The following DNAJC5B variants were observed in gnomAD, a reference collection of about 807,000 sequenced individuals.
DNAJC5B encodes DnaJ heat shock protein family (Hsp40) member C5 beta.
DNAJC5B carries 23 observed loss-of-function variants against 24.7 expected under a neutral mutation model. That is an observed-to-expected ratio of 0.93 (90% CI 0.67 to 1.32). The LOEUF (loss-of-function observed/expected upper bound fraction) is 1.32, where lower values mean the gene tolerates loss of function less well. Among genes scored for constraint, DNAJC5B ranks in the 40% most tolerant of loss-of-function variants. The probability of loss-of-function intolerance (pLI) is 0.00; values close to 1 mark genes in which losing one functional copy is unlikely to be tolerated. For missense variants in DNAJC5B, 238 were observed against 240.8 expected (o/e 0.99, Z 0.08); for synonymous variants, 101 against 90.1 (o/e 1.12, Z -0.68).
Position 66,098,042 on chromosome 8 carries a change from C to T in DNAJC5B, c.506-1895C>T, listed in dbSNP as rs182460406. Among the ~76,000 whole-genome samples the T allele has an allele frequency of 3.1e-3, 479 of 152,122 alleles. 2 individuals carry two copies. Among genetic ancestry groups the T allele is most frequent in the Middle Eastern group, 0.01 (3 of 294 alleles). ...TCTTTTTCTGTACTTTTAGTAGAGACGGGGTTTCACCACATTGGCCAGGCT... is the reference window on the plus strand; with the variant it reads ...TCTTTTTCTGTACTTTTAGTAGAGATGGGGTTTCACCACATTGGCCAGGCT... On this transcript the variant is annotated intron_variant, in intron 5 of 5. Transcript: ENST00000276570.
At chr8:66,079,587 A>C (rs1807546097) in intron 4 of DNAJC5B, among the ~76,000 whole-genome samples, 1 of 152,200 alleles carries the variant, frequency 6.6e-6, no homozygotes, top group African/African-American at 2.4e-5. Flanking sequence ...GTTATAAGGC[A>C]ATGAAAGGCA....
chr8:66,082,512 G>A (rs1007491188), intron 5 of DNAJC5B, among the ~76,000 whole-genome samples: 1 of 152,060 alleles, frequency 6.6e-6, no homozygotes, highest in Admixed American at 6.5e-5. Flanking sequence ...CTCCCTGCTG[G>A]GTGATTGGTG....
intron 3 of DNAJC5B, among the ~76,000 whole-genome samples, chr8:66,062,658 G>A (rs1184664205): frequency 1.3e-5 from 2 of 152,158 alleles, no homozygotes; most frequent in African/African-American, 4.8e-5. Context: ...TGGCTTTTTA[G>A]AGAGCCACAA....
intron 1 of DNAJC5B, among the ~76,000 whole-genome samples, chr8:66,034,943 A>G (rs191401647): frequency 6.6e-6 from 1 of 152,354 alleles, no homozygotes; most frequent in East Asian, 1.9e-4. Context: ...AGATAACCAA[A>G]AGTTGTTGGG....
At chr8:66,095,561 A>G (rs1300908135) in intron 5 of DNAJC5B, among the ~76,000 whole-genome samples, 1 of 149,474 alleles carries the variant, frequency 6.7e-6, no homozygotes, top group Non-Finnish European at 1.5e-5. Flanking sequence ...TAACTTCTTA[A>G]TTTTTGTACT....
At chr8:66,083,370 A>T (rs1258935658) in intron 5 of DNAJC5B, among the ~76,000 whole-genome samples, 1 of 152,150 alleles carries the variant, frequency 6.6e-6, no homozygotes, top group Non-Finnish European at 1.5e-5. Flanking sequence ...AGCATGTTTG[A>T]TCAAAAAGTT....
At chr8:66,092,785 A>G (rs1807873635) in intron 5 of DNAJC5B, among the ~76,000 whole-genome samples, 1 of 151,998 alleles carries the variant, frequency 6.6e-6, no homozygotes, top group Admixed American at 6.6e-5. Context: ...CTTCATCTTT[A>G]TTTTTACTGT....
chr8:66,021,271 T>C (rs186379710), upstream of DNAJC5B, among the ~76,000 whole-genome samples: 4 of 152,344 alleles, frequency 2.6e-5, no homozygotes, highest in Admixed American at 2.6e-4. Context: ...ATCTGGTCAC[T>C]AGCCGGTCTT....
In DNAJC5B at chr8:66,079,216, C is replaced by G. The variant is rs971767968; in HGVS notation, c.334-1161C>G. Among the ~76,000 whole-genome samples, 3 of 152,088 alleles carry G rather than the reference C, an allele frequency of 2.0e-5. No homozygotes were observed. In the South Asian group the frequency reaches 6.2e-4, roughly 32 times the overall value. On this transcript the variant is annotated intron_variant, in intron 4 of 5. Transcript: ENST00000276570. Reference sequence around the variant, plus strand: ...GAGCAAATCATTTGTTTATTTATTACTTTATACAATCATTAATTCAGCTGG... The same window carrying G: ...GAGCAAATCATTTGTTTATTTATTAGTTTATACAATCATTAATTCAGCTGG...
chr8:66,028,026 AAAACTATGT>A (rs1806282857), intron 1 of DNAJC5B, among the ~76,000 whole-genome samples: 1 of 152,252 alleles, frequency 6.6e-6, no homozygotes, highest in Admixed American at 6.5e-5. Flanking sequence ...AGGAAACTAC[AAAACTATGT>A]GAAAAATGTG....
At chr8:66,036,819 G>C (rs1370868684) in intron 1 of DNAJC5B, among the ~76,000 whole-genome samples, 1 of 152,162 alleles carries the variant, frequency 6.6e-6, no homozygotes, top group East Asian at 1.9e-4. Flanking sequence ...TTTTGCTCAG[G>C]CTTCTAAGAA....
intron 1 of DNAJC5B, among the ~76,000 whole-genome samples, chr8:66,034,844 A>C (rs1477814803): frequency 6.6e-6 from 1 of 152,096 alleles, no homozygotes; most frequent in African/African-American, 2.4e-5. Context: ...GCTTTAGGGT[A>C]ATGGAGGCCC....
chr8:66,045,681 C>A (rs1806707932), intron 2 of DNAJC5B, among the ~76,000 whole-genome samples: 2 of 152,080 alleles, frequency 1.3e-5, no homozygotes, highest in Non-Finnish European at 2.9e-5. Context: ...GGGAGCAGCC[C>A]CTGCCTGAGC....
chr8:66,039,512 C>T (rs1806562477), intron 1 of DNAJC5B, among the ~76,000 whole-genome samples: 1 of 152,006 alleles, frequency 6.6e-6, no homozygotes, highest in Non-Finnish European at 1.5e-5. Context: ...CCATGCCTGG[C>T]TCATTTTTTG....
chr8:66,055,679 C>A (rs1806946318), intron 3 of DNAJC5B, among the ~76,000 whole-genome samples: 1 of 152,148 alleles, frequency 6.6e-6, no homozygotes, highest in Non-Finnish European at 1.5e-5. Context: ...TGGCTCACAC[C>A]TGTAATCCCA....
At chr8:66,056,276 A>T (rs1317645597) in intron 3 of DNAJC5B, among the ~76,000 whole-genome samples, 2 of 152,126 alleles carry the variant, frequency 1.3e-5, no homozygotes, top group Non-Finnish European at 2.9e-5. Flanking sequence ...ACAACATTAG[A>T]CAAGCCCCAC....
chr8:66,068,321 AT>A (rs1028929375), intron 3 of DNAJC5B, among the ~76,000 whole-genome samples: 15 of 151,776 alleles, frequency 9.9e-5, no homozygotes, highest in South Asian at 2.1e-4. Context: ...GAGACTGAGA[AT>A]TTTTTTTTAA....
chr8:66,039,900 C>T (rs777316989), intron 1 of DNAJC5B, among the ~76,000 whole-genome samples: 17 of 152,126 alleles, frequency 1.1e-4, no homozygotes, highest in Non-Finnish European at 1.8e-4. Flanking sequence ...GTACTTTGTT[C>T]CCATTTTGGG....
At chr8:66,096,135 G>C (rs921372417) in intron 5 of DNAJC5B, among the ~76,000 whole-genome samples, 1 of 152,166 alleles carries the variant, frequency 6.6e-6, no homozygotes, top group Non-Finnish European at 1.5e-5. Flanking sequence ...AGAGATCAAG[G>C]TAGCAGGGTT....
Sources: gnomAD v4.1 joint callset for allele counts (sites outside exome capture counted in the v4.1 genomes callset) on GRCh38, gnomAD v4.1.1 for gene constraint, MANE v1.5 for transcripts, NCBI Gene and HGNC (gene_info 2026-07-23, HGNC 2026-07-21) for gene names.